Variants in MED25 observed in about 807,000 individuals in gnomAD.
MED25 encodes mediator complex subunit 25, also known as mediator of RNA polymerase II transcription subunit 25.
Under a neutral mutation model 89.4 loss-of-function variants are expected in MED25, and 62 were observed. That is an observed-to-expected ratio of 0.69 (90% CI 0.57 to 0.86). The LOEUF is 0.86. Among genes scored for constraint, MED25 ranks in the 40% least tolerant of loss-of-function variants. MED25 has a pLI of 0.00. For missense variants in MED25, 905 were observed against 1,005.2 expected (o/e 0.90, Z 1.35); for synonymous variants, 449 against 427.9 (o/e 1.05, Z -0.61).
In MED25 at chr19:49,819,196, G is replaced by T; in HGVS notation, c.205G>T (p.Val69Leu). The change falls in exon 3 of 18, where the codon GTG becomes TTG. Residue 69 changes from valine (V) to leucine (L), a missense_variant. This residue lies in a region of MED25 where 501 missense variants were observed against 526.9 expected (regional missense o/e 0.95). Coordinates refer to ENST00000312865, the MANE Select transcript of MED25 (RefSeq NM_030973.4). Reference sequence around the variant, plus strand: ...GTATGGGGGGACCCAGTACAGCCTCGTGGTGTTCAACACAGTGGACTGCGC... The same window carrying T: ...GTATGGGGGGACCCAGTACAGCCTCTTGGTGTTCAACACAGTGGACTGCGC... The part of the protein sequence containing the change: ...GDYGGTQYSL[V>L]VFNTVDCAPE... The T allele has an allele frequency of 6.2e-7, 1 of 1,614,208 alleles. No homozygotes were observed. Among genetic ancestry groups the T allele is most frequent in the Non-Finnish European group, 8.5e-7 (1 of 1,180,028 alleles).
chr19:49,826,808 G>T (rs890558882), intron 3 of MED25, among the ~76,000 whole-genome samples: 2 of 152,220 alleles, frequency 1.3e-5, no homozygotes, highest in South Asian at 4.1e-4. Flanking sequence ...TCCAGCACAT[G>T]CAGAGACCTG....
At chr19:49,833,411 G>C (rs888195214) in intron 13 of MED25, 1 of 152,252 alleles carries the variant, frequency 6.6e-6, no homozygotes, top group Non-Finnish European at 1.5e-5. Context: ...CCCAGCCTCA[G>C]CATAGCTTTC....
chr19:49,835,766 G>A lies in MED25; in HGVS notation c.1786G>A (p.Val596Ile), dbSNP rs369707406. The change falls in exon 16 of 18, where the codon GTA (valine) becomes ATA (isoleucine). Residue 596 changes from valine (V) to isoleucine (I), a missense_variant. Around this residue, in one of 3 missense-constraint regions of MED25, gnomAD observed 271 missense variants for 258.1 expected, o/e 1.05. Coordinates refer to ENST00000312865, the MANE Select transcript of MED25 (RefSeq NM_030973.4). The surrounding 1 kb of genome is among the most constrained non-coding windows in gnomAD (Gnocchi z 6.2). ...RPPQPQPQGT[V>I]GASGATGQPQ... is the part of the protein sequence containing the mutation. Reference sequence around the variant, plus strand: ...ACCGCAGCCCCAGCCTCAGGGTACCGTAGGGGCCTCTGGGGCCACGGGGCA... The same window carrying A: ...ACCGCAGCCCCAGCCTCAGGGTACCATAGGGGCCTCTGGGGCCACGGGGCA... 5.5e-5 allele frequency: 89 copies of A among 1,609,664 alleles called. No individual in the cohort carries two copies. Among genetic ancestry groups the A allele is most frequent in the Middle Eastern group, 5.0e-4 (3 of 6,052 alleles).
rs757221753 is a variant in MED25 at position 49,836,221 on chromosome 19, C to T, written c.1966-5C>T. 3 of 1,611,884 alleles carry T rather than the reference C, an allele frequency of 1.9e-6. No individual in the cohort carries two copies. The highest frequency in any genetic ancestry group is 1.7e-6 in the Non-Finnish European group (2 of 1,179,776). On this transcript the variant is annotated splice_region_variant and splice_polypyrimidine_tract_variant and intron_variant, in intron 16 of 17. Coordinates refer to ENST00000312865, the MANE Select transcript of MED25 (RefSeq NM_030973.4). This position sits in a 1 kb window ranked among gnomAD's most constrained non-coding sequence, Gnocchi z 5.1. The stretch of plus-strand genomic sequence containing the variant: ...GCCTCTGAGCCACTCTCTGTGTTCT[C>T]CCAGCCGCAGACTGGGGTGCCCCCA...
chr19:49,819,542 A>T (rs1342956542), intron 3 of MED25: 1 of 503,208 alleles, frequency 2.0e-6, no homozygotes, highest in Non-Finnish European at 3.6e-6. Context: ...TAAGGGATTG[A>T]AAGGACTTTG....
intron 3 of MED25, among the ~76,000 whole-genome samples, chr19:49,826,426 C>T (rs781209185): frequency 6.7e-4 from 102 of 152,182 alleles, no homozygotes; most frequent in Non-Finnish European, 7.8e-4. Flanking sequence ...GCCCTGAGAG[C>T]AGGAAGAAGG....
Position 49,818,557 on chromosome 19 carries a change from TC to T in MED25, c.135-12del. On this transcript the variant is annotated splice_polypyrimidine_tract_variant and intron_variant, in intron 1 of 17. Transcript: ENST00000312865. ...TCTTGCCTGACTCCGACCTTTCACT[TC>T]CTACCCTCACAGGTATTTTAATGGT... 6.2e-7 allele frequency: 1 copy of T among 1,614,190 alleles called. No homozygotes were observed. Among genetic ancestry groups the T allele is most frequent in the African/African-American group, 1.3e-5 (1 of 75,054 alleles).
At position 49,829,514 on chromosome 19, in the gene MED25, TGTGA is replaced by T. The variant is rs2074038203; in HGVS notation, c.526-271_526-268del. Among the ~76,000 whole-genome samples, 1 of 152,174 alleles carries T rather than the reference TGTGA, an allele frequency of 6.6e-6. No individual in the cohort carries two copies. Among genetic ancestry groups the T allele is most frequent in the South Asian group, 2.1e-4 (1 of 4,832 alleles). On this transcript the variant is annotated intron_variant, in intron 5 of 17. Transcript: ENST00000312865. This position sits in a 1 kb window ranked among gnomAD's most constrained non-coding sequence, Gnocchi z 4.6. Reference sequence around the variant, plus strand: ...GACTGCTCTCAAACTCCTGGCCTCATGTGATCTGCCTGACTCGGTCTCACAAAAT... The same window carrying T: ...GACTGCTCTCAAACTCCTGGCCTCATTCTGCCTGACTCGGTCTCACAAAAT...
At chr19:49,820,298 A>G (rs2073973319) in intron 3 of MED25, among the ~76,000 whole-genome samples, 1 of 152,254 alleles carries the variant, frequency 6.6e-6, no homozygotes, top group Admixed American at 6.5e-5. Context: ...AAGCAAGCTT[A>G]CAGTGGCGTG....
rs1437150824 is a variant in MED25 at position 49,831,980 on chromosome 19, G to A, written c.1275G>A (p.Arg425=). 1.2e-6 allele frequency: 2 copies of A among 1,614,088 alleles called. No homozygotes were observed. Among genetic ancestry groups the A allele is most frequent in the Non-Finnish European group, 8.5e-7 (1 of 1,180,006 alleles). ...TGGATGCCAACACCAAGCTGACGCG[G>A]TCACTGCCCTGCCAGGTCTACGTGA... is the stretch of plus-strand genomic sequence containing the variant. ...ASVDANTKLT[R]SLPCQVYVNH... Residue 425 remains arginine (R), a synonymous_variant, in exon 11 of 18, where the codon CGG becomes CGA. Transcript: ENST00000312865. The surrounding 1 kb of genome is among the most constrained non-coding windows in gnomAD (Gnocchi z 5.0).
intron 3 of MED25, among the ~76,000 whole-genome samples, chr19:49,826,604 G>T (rs899662309): frequency 1.3e-5 from 2 of 152,226 alleles, no homozygotes; most frequent in African/African-American, 4.8e-5. Flanking sequence ...AGGGTCAGAC[G>T]CCTTGGTGTC....
Position 49,829,981 on chromosome 19 carries a change from G to A in MED25, c.688+33G>A. On this transcript the variant is annotated intron_variant, in intron 6 of 17. Transcript: ENST00000312865. This position sits in a 1 kb window ranked among gnomAD's most constrained non-coding sequence, Gnocchi z 4.6. ...CTGGGCACCGTGCGCGGGGATGGGG[G>A]CTCGACGTGTTTCCCCAGCTCCCTC... The A allele has an allele frequency of 1.2e-6, 2 of 1,600,558 alleles. No individual in the cohort carries two copies. Among genetic ancestry groups the A allele is most frequent in the African/African-American group, 1.3e-5 (1 of 74,826 alleles).
At chr19:49,838,588 CGAAA>C (rs1252505830), downstream of MED25, 1 of 457,198 alleles carries the variant, frequency 2.2e-6, no homozygotes, top group East Asian at 6.9e-5. Flanking sequence ...AGCGGCAAAA[CGAAA>C]GAGAGAAGGA....
In MED25 at chr19:49,823,687, A is replaced by G. The variant is rs372722584; in HGVS notation, c.305+4391A>G. Among the ~76,000 whole-genome samples, 18 of 152,246 alleles carry G rather than the reference A, an allele frequency of 1.2e-4. 2 individuals carry two copies. Among genetic ancestry groups the G allele is most frequent in the Admixed American group, 9.8e-4 (15 of 15,290 alleles). ...GTTTGTTGAGTATCTGCTTTGTTCC[A>G]GTATGTGCGTGCAAGTGCTGGGTGC... On this transcript the variant is annotated intron_variant, in intron 3 of 17. Transcript: ENST00000312865.
Position 49,832,283 on chromosome 19 carries a change from C to T in MED25, c.1375-25C>T, listed in dbSNP as rs369704395. ...GCCTCACTTGCCCACACCAGCATGCCAGCCGACTTCTGTGTCTCCCGCAGA... is the reference window on the plus strand; with the variant it reads ...GCCTCACTTGCCCACACCAGCATGCTAGCCGACTTCTGTGTCTCCCGCAGA... On this transcript the variant is annotated intron_variant, in intron 12 of 17. Coordinates refer to ENST00000312865, the MANE Select transcript of MED25 (RefSeq NM_030973.4). 400 of 1,561,226 alleles carry T rather than the reference C, an allele frequency of 2.6e-4. 1 individual carries two copies. Among genetic ancestry groups the T allele is most frequent in the Admixed American group, 5.7e-4 (32 of 56,506 alleles).
intron 3 of MED25, among the ~76,000 whole-genome samples, chr19:49,825,051 G>A (rs2074006985): frequency 1.3e-5 from 2 of 152,082 alleles, no homozygotes; most frequent in South Asian, 4.1e-4. Flanking sequence ...TCATAAACTT[G>A]ATATTTTAGC....
Position 49,819,052 on chromosome 19 carries a change from A to G in MED25, c.181-120A>G. 6.4e-6 allele frequency: 8 copies of G among 1,248,496 alleles called. No homozygotes were observed. The South Asian group carries it at 1.0e-4, about 16-fold the overall frequency. 77.3% of individuals were successfully genotyped at this position (1,248,496 alleles called of 1,614,324 possible). A position where few individuals can be genotyped will look rare whatever the true frequency, so the allele number is the denominator to read the frequency against. The stretch of plus-strand genomic sequence containing the variant: ...GGGCCGAGATTGCTGGGTCTGAGGA[A>G]GGAGGAAGCTGAGGAGTTCCTGGTT... On this transcript the variant is annotated intron_variant, in intron 2 of 17. Transcript: ENST00000312865.
chr19:49,831,010 G>A lies in MED25; in HGVS notation c.1101+123G>A. On this transcript the variant is annotated intron_variant, in intron 9 of 17. Coordinates refer to ENST00000312865, the MANE Select transcript of MED25 (RefSeq NM_030973.4). The surrounding 1 kb of genome is among the most constrained non-coding windows in gnomAD (Gnocchi z 5.0). ...CTCTCGTGGTTCTGGGGCTTTGGGGGCTCGTGGTGTGTGTGCTGCAGATGC... is the reference window on the plus strand; with the variant it reads ...CTCTCGTGGTTCTGGGGCTTTGGGGACTCGTGGTGTGTGTGCTGCAGATGC... 3.6e-6 allele frequency: 4 copies of A among 1,122,272 alleles called. No homozygotes were observed. Among genetic ancestry groups the A allele is most frequent in the Admixed American group, 3.4e-5 (2 of 58,420 alleles). 69.5% of individuals were successfully genotyped at this position (1,122,272 alleles called of 1,614,324 possible).
chr19:49,840,275 ATT>A (rs1454867147), downstream of MED25: 10 of 152,212 alleles, frequency 6.6e-5, no homozygotes, highest in East Asian at 1.9e-3. Context: ...CTATTTTTCA[ATT>A]TGTATTTTTT....
Sources: allele counts gnomAD v4.1 joint callset (sites outside exome capture counted in the v4.1 genomes callset), GRCh38; gene constraint gnomAD v4.1.1; regional missense constraint gnomAD v4.1.1; non-coding constraint Gnocchi (gnomAD v3.1); transcripts MANE v1.5; gene names NCBI Gene and HGNC (gene_info 2026-07-23, HGNC 2026-07-21).